The following CNTN4 variants were observed in gnomAD, a reference collection of about 807,000 sequenced individuals.
The protein encoded by CNTN4 is contactin-4.
In CNTN4, 77 loss-of-function variants were observed where a neutral mutation model predicts 122.5. That is an observed-to-expected ratio of 0.63 (90% CI 0.52 to 0.76). CNTN4 has a LOEUF of 0.76. Ranked by LOEUF, CNTN4 falls within the 30% of genes least tolerant of loss-of-function variation. CNTN4 has a pLI of 0.00. For synonymous variants in CNTN4, 512 were observed against 447.0 expected (o/e 1.15, Z -1.83); for missense variants, 1,256 against 1,259.1 (o/e 1.00, Z 0.04).
At position 2,571,563 on chromosome 3, in the gene CNTN4, A is replaced by G; in HGVS notation, c.55+5A>G. The G allele has an allele frequency of 6.2e-7, 1 of 1,610,330 alleles. No homozygotes were observed. Among genetic ancestry groups the G allele is most frequent in the Non-Finnish European group, 8.5e-7 (1 of 1,176,568 alleles). ...CATTCATTTTGTGCCTTGCAGGTAG[A>G]GTGTCATTTTAAAACTTTTTGATTT... is the stretch of plus-strand genomic sequence containing the variant. On this transcript the variant is annotated splice_donor_5th_base_variant and intron_variant, in intron 4 of 24. Coordinates refer to ENST00000418658, the MANE Select transcript of CNTN4 (RefSeq NM_175607.3).
intron 12 of CNTN4, among the ~76,000 whole-genome samples, chr3:2,919,267 A>G (rs4992239): frequency 0.56 from 83,873 of 149,746 alleles, 23,433 homozygotes; most frequent in East Asian, 0.69. Context: ...CAGGAGAATC[A>G]CTTGAACCCA....
At chr3:2,706,045 C>T (rs1056467987) in intron 4 of CNTN4, among the ~76,000 whole-genome samples, 9 of 142,470 alleles carry the variant, frequency 6.3e-5, no homozygotes, top group African/African-American at 2.3e-4. Context: ...GATAGACACA[C>T]AAACATATAT....
At chr3:2,727,547 T>C (rs533246106) in intron 4 of CNTN4, among the ~76,000 whole-genome samples, 6 of 152,334 alleles carry the variant, frequency 3.9e-5, no homozygotes, top group South Asian at 4.1e-4. Context: ...GTAGGATACA[T>C]TGATACAGCC....
At chr3:2,261,751 G>C (rs985892579) in intron 2 of CNTN4, among the ~76,000 whole-genome samples, 1 of 152,102 alleles carries the variant, frequency 6.6e-6, no homozygotes, top group Admixed American at 6.6e-5. Context: ...AGTTAGATGT[G>C]GAATTTTCAG....
intron 4 of CNTN4, among the ~76,000 whole-genome samples, chr3:2,651,878 A>C (rs760597876): frequency 3.1e-4 from 47 of 150,472 alleles, no homozygotes; most frequent in Non-Finnish European, 5.9e-4. Flanking sequence ...TAACTTTTGC[A>C]TTTTTTTTAG....
chr3:2,322,181 G>T (rs1264405703), intron 2 of CNTN4, among the ~76,000 whole-genome samples: 1 of 151,978 alleles, frequency 6.6e-6, no homozygotes, highest in Non-Finnish European at 1.5e-5. Context: ...ATTTTTAAAC[G>T]AGCAAAAATG....
chr3:3,005,954 C>T (rs1308788212), intron 14 of CNTN4, among the ~76,000 whole-genome samples: 5 of 150,036 alleles, frequency 3.3e-5, no homozygotes, highest in South Asian at 2.1e-4. Flanking sequence ...GGCACGATCT[C>T]GGCTCACTGC....
At chr3:2,604,747 T>A (rs1241394392) in intron 4 of CNTN4, among the ~76,000 whole-genome samples, 2 of 152,140 alleles carry the variant, frequency 1.3e-5, no homozygotes, top group Non-Finnish European at 2.9e-5. Context: ...TGTCTAGAGA[T>A]AAGAATACAC....
intron 3 of CNTN4, among the ~76,000 whole-genome samples, chr3:2,347,410 C>CTTTTTTTTT (rs10664705): frequency 2.7e-5 from 3 of 113,160 alleles, no homozygotes; most frequent in Non-Finnish European, 5.1e-5. Flanking sequence ...GAAATACAAT[C>CTTTTTTTTT]TTTTTTTTTT....
At chr3:3,053,135 A>C (rs568612699) in intron 23 of CNTN4, among the ~76,000 whole-genome samples, 1 of 152,284 alleles carries the variant, frequency 6.6e-6, no homozygotes, top group East Asian at 1.9e-4. Flanking sequence ...CCCGGGTGCA[A>C]GCAATTCTCC....
At chr3:3,013,580 T>C (rs927278297) in intron 14 of CNTN4, among the ~76,000 whole-genome samples, 2 of 152,194 alleles carry the variant, frequency 1.3e-5, no homozygotes, top group Admixed American at 1.3e-4. Context: ...GAACATTGCA[T>C]CCTGCATGAA....
At chr3:2,792,390 C>G (rs1559508417) in intron 6 of CNTN4, among the ~76,000 whole-genome samples, 1 of 152,114 alleles carries the variant, frequency 6.6e-6, no homozygotes, top group Non-Finnish European at 1.5e-5. Context: ...ATCCATGATC[C>G]TCCTAGTTTG....
intron 7 of CNTN4, among the ~76,000 whole-genome samples, chr3:2,825,257 G>A (rs1260577783): frequency 3.3e-5 from 5 of 151,516 alleles, no homozygotes; most frequent in African/African-American, 1.2e-4. Flanking sequence ...ACAGAGTCTC[G>A]CTCTGTCGCC....
chr3:2,436,341 A>G (rs182336671), intron 3 of CNTN4, among the ~76,000 whole-genome samples: 128 of 152,260 alleles, frequency 8.4e-4, no homozygotes, highest in African/African-American at 3.0e-3. Flanking sequence ...TCTCACAAGC[A>G]TAAGTAAATG....
intron 3 of CNTN4, among the ~76,000 whole-genome samples, chr3:2,548,619 G>C (rs1441293244): frequency 6.6e-6 from 1 of 152,050 alleles, no homozygotes; most frequent in Non-Finnish European, 1.5e-5. Context: ...GATACCTCCA[G>C]CTTTGTTCAT....
At chr3:2,982,163 C>CT (rs1253959859) in intron 13 of CNTN4, among the ~76,000 whole-genome samples, 1 of 152,082 alleles carries the variant, frequency 6.6e-6, no homozygotes, top group Non-Finnish European at 1.5e-5. Context: ...ATGTCAGGTG[C>CT]TTTTTTCTTC....
intron 4 of CNTN4, among the ~76,000 whole-genome samples, chr3:2,581,637 C>T (rs767091720): frequency 1.3e-5 from 2 of 151,968 alleles, no homozygotes; most frequent in Admixed American, 6.5e-5. Context: ...TTTTTTTTCT[C>T]TTGTAAAGTT....
chr3:2,585,131 A>G (rs1317827699), intron 4 of CNTN4, among the ~76,000 whole-genome samples: 1 of 152,212 alleles, frequency 6.6e-6, no homozygotes, highest in Non-Finnish European at 1.5e-5. Context: ...CATGACTTAA[A>G]AGTCCTAAGC....
At chr3:2,428,690 C>A (rs563510133) in intron 3 of CNTN4, among the ~76,000 whole-genome samples, 10 of 152,286 alleles carry the variant, frequency 6.6e-5, no homozygotes, top group African/African-American at 2.4e-4. Context: ...TTCCATTCTC[C>A]CCGTCACTTT....
Sources: gnomAD v4.1 joint callset for allele counts (sites outside exome capture counted in the v4.1 genomes callset) on GRCh38, gnomAD v4.1.1 for gene constraint, MANE v1.5 for transcripts, NCBI Gene and HGNC (gene_info 2026-07-23, HGNC 2026-07-21) for gene names.